ZNF668: variants seen among roughly 807,000 people sequenced by gnomAD.
ZNF668 encodes zinc finger protein 668.
In ZNF668, 10 loss-of-function variants were observed where a neutral mutation model predicts 40.3. That is an observed-to-expected ratio of 0.25 (90% CI 0.15 to 0.42). ZNF668 has a LOEUF of 0.42. ZNF668 is among the 10% of genes least tolerant of loss of function. ZNF668 has a pLI of 1.00. For missense variants in ZNF668, 749 were observed against 904.6 expected (o/e 0.83, Z 2.21); for synonymous variants, 428 against 384.6 (o/e 1.11, Z -1.32).
intron 1 of ZNF668, chr16:31,065,150 C>T: frequency 3.0e-6 from 3 of 998,660 alleles, no homozygotes; most frequent in Non-Finnish European, 3.6e-6. Context: ...TGGAGAATCA[C>T]TCAAGGCAGC....
chr16:31,066,417 T>C, intron 1 of ZNF668: 2 of 975,114 alleles, frequency 2.1e-6, no homozygotes, highest in African/African-American at 3.5e-5. Context: ...CTTAGCCAGG[T>C]GTGGTGGCAT....
At chr16:31,062,368 C>T in intron 2 of ZNF668, 88 bp from the exon 3 acceptor site, 1 of 1,488,338 alleles carries the variant, frequency 6.7e-7, no homozygotes, top group African/African-American at 1.4e-5. Context: ...AGGGGCTCCC[C>T]AAACGTTCGT....
chr16:31,068,502 G>T (rs1190487630), intron 1 of ZNF668, among the ~76,000 whole-genome samples: 1 of 147,414 alleles, frequency 6.8e-6, no homozygotes, highest in South Asian at 2.2e-4. Context: ...GATTACAGGC[G>T]AGAGCCACCA....
rs2056914744 is a variant in ZNF668, at chr16:31,060,859, G to A, written c.*209C>T. ...ACAGAAGATGACCTGGTGCCAAAAT[G>A]AAAGCTTTAATGAGTGTTACTCCTA... On this transcript the variant is annotated 3_prime_UTR_variant, in exon 3 of 3. Coordinates refer to ENST00000300849, the MANE Select transcript of ZNF668 (RefSeq NM_024706.5). 4.0e-6 allele frequency: 2 copies of A among 500,098 alleles called. No homozygotes were observed. The highest frequency in any genetic ancestry group is 6.3e-6 in the Non-Finnish European group (2 of 316,966). The allele number at this position is 500,098 out of a possible 1,614,324, so 31.0% of individuals were successfully genotyped here.
chr16:31,064,986 T>G, intron 1 of ZNF668: 1 of 1,217,986 alleles, frequency 8.2e-7, no homozygotes, highest in Non-Finnish European at 1.0e-6. Context: ...AGCATTTGTG[T>G]TTTCTTTCCT....
rs2056926086 is a variant in ZNF668 at position 31,061,619 on chromosome 16, C to T, written c.1309G>A (p.Gly437Ser). Residue 437 changes from glycine to serine, a missense_variant, in exon 3 of 3, where the codon GGC becomes AGC. Around this residue, in one of 4 missense-constraint regions of ZNF668, gnomAD observed 310 missense variants for 355.1 expected, o/e 0.87. Coordinates refer to ENST00000300849, the MANE Select transcript of ZNF668 (RefSeq NM_024706.5). The surrounding 1 kb of genome is among the most constrained non-coding windows in gnomAD (Gnocchi z 7.7). ...GCGGCTGAACTCTCACCTGCCACGC[C>T]CACAGGCAGCGCCAACCCCACCACC... ...ELVVGLALPV[G>S]VAGESSAAPA... 1 of 1,610,976 alleles carries T rather than the reference C, an allele frequency of 6.2e-7. No individual in the cohort carries two copies. Among genetic ancestry groups the T allele is most frequent in the African/African-American group, 1.3e-5 (1 of 74,936 alleles).
In ZNF668 at chr16:31,062,149, C is replaced by T. The variant is rs763151067; in HGVS notation, c.779G>A (p.Gly260Asp). The part of the protein sequence containing the change: ...KPYRCPACGK[G>D]FTQLSSYQSH... ...CTGGTAGGAACTGAGCTGCGTGAAG[C>T]CCTTGCCGCAGGCCGGGCAGCGGTA... The change falls in exon 3 of 3, where the codon GGC becomes GAC. Residue 260 changes from glycine to aspartate, a missense_variant. Physicochemically the swap from Gly to Asp is moderately conservative, Grantham distance 94. Transcript: ENST00000300849. 4.5e-5 allele frequency: 72 copies of T among 1,613,740 alleles called. 1 individual carries two copies. In the Admixed American group the frequency reaches 1.1e-3, roughly 25 times the overall value.
rs750266303 is a variant in ZNF668 at position 31,061,362 on chromosome 16, C to A, written c.1566G>T (p.Lys522Asn). The A allele has an allele frequency of 1.2e-5, 20 of 1,613,264 alleles. No individual in the cohort carries two copies. In the South Asian group the frequency reaches 2.2e-4, roughly 18 times the overall value. ...KPPQFVCREC[K>N]ETFSTMTLLR... ...GCAGCGTCATTGTGGAGAAGGTCTC[C>A]TTGCACTCTCGGCACACAAACTGGG... The change falls in exon 3 of 3, where the codon AAG becomes AAT. Residue 522 changes from lysine (K) to asparagine (N), a missense_variant. Physicochemically the swap from Lys to Asn is moderately conservative, Grantham distance 94. This residue lies in a region of ZNF668 where 310 missense variants were observed against 355.1 expected (regional missense o/e 0.87). Coordinates refer to ENST00000300849, the MANE Select transcript of ZNF668 (RefSeq NM_024706.5). This position sits in a 1 kb window ranked among gnomAD's most constrained non-coding sequence, Gnocchi z 7.7.
intron 2 of ZNF668, 124 bp downstream of exon 2, chr16:31,063,689 G>T: frequency 8.8e-7 from 1 of 1,140,052 alleles, no homozygotes; most frequent in Non-Finnish European, 1.2e-6. Flanking sequence ...CCCTCCCCTT[G>T]GATCTGCCAT....
At position 31,064,001 on chromosome 16, in the gene ZNF668, G is replaced by A. The variant is rs1369379702; in HGVS notation, c.459C>T (p.Ser153=). The A allele has an allele frequency of 6.2e-7, 1 of 1,609,844 alleles. No individual in the cohort carries two copies. Among genetic ancestry groups the A allele is most frequent in the Non-Finnish European group, 8.5e-7 (1 of 1,177,372 alleles). Residue 153 remains serine (S), a synonymous_variant, in exon 2 of 3, where the codon TCC becomes TCT. Transcript: ENST00000300849. The part of the protein sequence containing the change: ...AHCPKAYGAL[S]KLKIHQRGHT... ...GGCCACGCTGGTGGATCTTGAGCTT[G>A]GAGAGCGCGCCATAGGCCTTCGGGC...
In ZNF668 at chr16:31,061,166, G is replaced by A. The variant is rs770664888; in HGVS notation, c.1762C>T (p.Arg588Cys). 3.8e-5 allele frequency: 58 copies of A among 1,517,896 alleles called. No individual in the cohort carries two copies. In the Admixed American group the frequency reaches 8.1e-4, roughly 21 times the overall value. 94.0% of individuals were successfully genotyped at this position (1,517,896 alleles called of 1,614,324 possible). The change falls in exon 3 of 3, where the codon CGC (arginine) becomes TGC (cysteine). Residue 588 changes from arginine (R) to cysteine (C), a missense_variant. Transcript: ENST00000300849. This position sits in a 1 kb window ranked among gnomAD's most constrained non-coding sequence, Gnocchi z 7.7. ...ACAGGGTGGGTGCGTTCATGCTTGCGCAAGTCGCTGGCACTCAAGAAGGCC... is the reference window on the plus strand; with the variant it reads ...ACAGGGTGGGTGCGTTCATGCTTGCACAAGTCGCTGGCACTCAAGAAGGCC... ...PKAFLSASDLRKHERTHPVPM... is the reference protein window; with the variant it reads ...PKAFLSASDLCKHERTHPVPM...
At position 31,061,558 on chromosome 16, in the gene ZNF668, G is replaced by A; in HGVS notation, c.1370C>T (p.Ala457Val). Reference sequence around the variant, plus strand: ...CTCCGGGGGCAGCCCTAGCAGCCCTGCTGGAGGGTCCCCCAGCCCCGCCCC... The same window carrying A: ...CTCCGGGGGCAGCCCTAGCAGCCCTACTGGAGGGTCCCCCAGCCCCGCCCC... The part of the protein sequence containing the change: ...AAGAGLGDPP[A>V]GLLGLPPESG... Residue 457 changes from alanine to valine, a missense_variant, in exon 3 of 3, where the codon GCA becomes GTA. Physicochemically the swap from Ala to Val is moderately conservative, Grantham distance 64 (BLOSUM62 0). This residue lies in a region of ZNF668 where 310 missense variants were observed against 355.1 expected (regional missense o/e 0.87). Transcript: ENST00000300849. This position sits in a 1 kb window ranked among gnomAD's most constrained non-coding sequence, Gnocchi z 7.7. 2 of 1,609,640 alleles carry A rather than the reference G, an allele frequency of 1.2e-6. No homozygotes were observed. The highest frequency in any genetic ancestry group is 1.1e-5 in the South Asian group (1 of 91,072).
chr16:31,064,248 C>G lies in ZNF668; in HGVS notation c.212G>C (p.Gly71Ala). 6.2e-7 allele frequency: 1 copy of G among 1,613,648 alleles called. No homozygotes were observed. Among genetic ancestry groups the G allele is most frequent in the Non-Finnish European group, 8.5e-7 (1 of 1,180,024 alleles). ...ETEAKAEEASGEKVSGSAAKP... is the reference protein window; with the variant it reads ...ETEAKAEEASAEKVSGSAAKP... ...GGCCGCGGAGCCTGACACCTTCTCC[C>G]CACTGGCTTCCTCTGCCTTAGCTTC... Residue 71 changes from glycine to alanine, a missense_variant, in exon 2 of 3, where the codon GGG (glycine) becomes GCG (alanine). Transcript: ENST00000300849.
chr16:31,067,704 G>T (rs1194905395), intron 1 of ZNF668, among the ~76,000 whole-genome samples: 1 of 152,128 alleles, frequency 6.6e-6, no homozygotes, highest in Non-Finnish European at 1.5e-5. Flanking sequence ...AGGGATTCTT[G>T]TCCCTACTTT....
chr16:31,066,162 G>C (rs1345043833), intron 1 of ZNF668: 1 of 985,362 alleles, frequency 1.0e-6, no homozygotes, highest in South Asian at 4.7e-5. Flanking sequence ...CCATGCAGCC[G>C]GTCTTCTCCC....
At position 31,061,043 on chromosome 16, in the gene ZNF668, G is replaced by T; in HGVS notation, c.*25C>A. 6.9e-7 allele frequency: 1 copy of T among 1,459,506 alleles called. No individual in the cohort carries two copies. Among genetic ancestry groups the T allele is most frequent in the Non-Finnish European group, 9.0e-7 (1 of 1,106,072 alleles). 90.4% of individuals were successfully genotyped at this position (1,459,506 alleles called of 1,614,324 possible). A position where few individuals can be genotyped will look rare whatever the true frequency, so the allele number is the denominator to read the frequency against. ...CCCCGATGGGGGCTGGGCTCCCGGA[G>T]TGTGGTGCTGGGGGGTCATGGGCTT... On this transcript the variant is annotated 3_prime_UTR_variant, in exon 3 of 3. Coordinates refer to ENST00000300849, the MANE Select transcript of ZNF668 (RefSeq NM_024706.5). This position sits in a 1 kb window ranked among gnomAD's most constrained non-coding sequence, Gnocchi z 7.7.
At chr16:31,064,633 C>T (rs1391274751) in intron 1 of ZNF668, 152 bp from the exon 2 acceptor site, 12 of 1,536,798 alleles carry the variant, frequency 7.8e-6, no homozygotes, top group Admixed American at 3.9e-5. Flanking sequence ...CGTTCGTTTC[C>T]TCCCTGATCT....
chr16:31,061,735 C>T lies in ZNF668; in HGVS notation c.1193G>A (p.Gly398Glu), dbSNP rs770051015. The change falls in exon 3 of 3, where the codon GGG (glycine) becomes GAG (glutamate). Residue 398 changes from glycine (G) to glutamate (E), a missense_variant. This residue lies in a region of ZNF668 where 310 missense variants were observed against 355.1 expected (regional missense o/e 0.87). Coordinates refer to ENST00000300849, the MANE Select transcript of ZNF668 (RefSeq NM_024706.5). This position sits in a 1 kb window ranked among gnomAD's most constrained non-coding sequence, Gnocchi z 7.7. The part of the protein sequence containing the change: ...GERPFHCNAC[G>E]KSFVVSSSLR... ...GCTCGACGACACCACAAAGGATTTC[C>T]CACATGCGTTACAGTGGAAGGGGCG... 3.1e-6 allele frequency: 5 copies of T among 1,613,540 alleles called. No homozygotes were observed. In the East Asian group the frequency reaches 8.9e-5, roughly 29 times the overall value.
chr16:31,066,414 A>G, intron 1 of ZNF668: 2 of 979,896 alleles, frequency 2.0e-6, no homozygotes, highest in African/African-American at 3.5e-5. Flanking sequence ...GGGCTTAGCC[A>G]GGTGTGGTGG....
Sources: allele counts gnomAD v4.1 joint callset (sites outside exome capture counted in the v4.1 genomes callset), GRCh38; gene constraint gnomAD v4.1.1; regional missense constraint gnomAD v4.1.1; non-coding constraint Gnocchi (gnomAD v3.1); transcripts MANE v1.5; gene names NCBI Gene and HGNC (gene_info 2026-07-23, HGNC 2026-07-21).